MTRFR: variants seen among roughly 807,000 people sequenced by gnomAD.
The protein encoded by MTRFR is mitochondrial translation release factor in rescue.
A neutral mutation model predicts 11.9 loss-of-function variants in MTRFR; 10 were observed. The observed-to-expected ratio is 0.84, with a 90% CI of 0.52 to 1.42. The LOEUF is 1.42. MTRFR is among the 40% of genes most tolerant of loss of function. The pLI, the probability that MTRFR is intolerant of heterozygous loss-of-function variation, is 0.00. For synonymous variants in MTRFR, 77 were observed against 79.1 expected (o/e 0.97, Z 0.14); for missense variants, 196 against 197.9 (o/e 0.99, Z 0.06).
rs756965312 is a variant in MTRFR, at chr12:123,257,015, G to A, written c.485G>A (p.Ser162Asn). 1 of 1,612,276 alleles carries A rather than the reference G, an allele frequency of 6.2e-7. No individual in the cohort carries two copies. Among genetic ancestry groups the A allele is most frequent in the South Asian group, 1.1e-5 (1 of 90,744 alleles). Reference protein sequence around the residue: ...KKLLKELWESSKKVH With the variant: ...KKLLKELWESNKKVH ...CTACTTAAAGAACTGTGGGAGTCAA[G>A]TAAAAAGGTCCACTGAGAAAAGAAT... Residue 162 changes from serine to asparagine, a missense_variant, in exon 3 of 3, where the codon AGT (serine) becomes AAT (asparagine). By Grantham distance (46) the Ser-to-Asn change is conservative (BLOSUM62 1). Transcript: ENST00000253233.
chr12:123,247,223 T>G (rs1379715887), intron 1 of MTRFR, among the ~76,000 whole-genome samples: 1 of 152,224 alleles, frequency 6.6e-6, no homozygotes, highest in African/African-American at 2.4e-5. Context: ...TTCGTTTTGA[T>G]GACCTGTCTA....
chr12:123,251,349 G>A (rs2048109304), intron 1 of MTRFR: 1 of 152,252 alleles, frequency 6.6e-6, no homozygotes, highest in Admixed American at 6.5e-5. Context: ...CCAAGTTCTG[G>A]CCAGGAGGCT....
chr12:123,244,558 T>A (rs1258075092), intron 1 of MTRFR, among the ~76,000 whole-genome samples: 3 of 152,214 alleles, frequency 2.0e-5, no homozygotes, highest in African/African-American at 7.2e-5. Flanking sequence ...TCCTCCTGGG[T>A]GACAGAGATT....
At chr12:123,251,618 G>A (rs1328592782) in intron 1 of MTRFR, 1 of 152,728 alleles carries the variant, frequency 6.5e-6, no homozygotes, top group Non-Finnish European at 1.5e-5. Context: ...CTCCAGTGGG[G>A]GGGTGTGTGT....
chr12:123,233,261 G>A (rs1036618912), upstream of MTRFR: 5 of 152,348 alleles, frequency 3.3e-5, no homozygotes, highest in Non-Finnish European at 7.3e-5. Context: ...ACCAAAGAGA[G>A]ACATCCAACC....
chr12:123,241,676 C>T (rs2031660246), intron 1 of MTRFR, among the ~76,000 whole-genome samples: 1 of 152,162 alleles, frequency 6.6e-6, no homozygotes, highest in Non-Finnish European at 1.5e-5. Context: ...CCCTATGTTG[C>T]ACAGGCTGGA....
In MTRFR at chr12:123,253,931, A is replaced by G; in HGVS notation, c.257A>G (p.His86Arg). ...ACCAGCAACTGCGTGGTGCTGAAGC[A>G]CATCCCCTCAGGCATCGTTGTAAAG... is the stretch of plus-strand genomic sequence containing the variant. ...NKTSNCVVLK[H>R]IPSGIVVKCH... The change falls in exon 2 of 3, where the codon CAC (histidine) becomes CGC (arginine). Residue 86 changes from histidine (H) to arginine (R), a missense_variant. Coordinates refer to ENST00000253233, the MANE Select transcript of MTRFR (RefSeq NM_152269.5). 6.2e-7 allele frequency: 1 copy of G among 1,614,218 alleles called. No individual in the cohort carries two copies. The highest frequency in any genetic ancestry group is 8.5e-7 in the Non-Finnish European group (1 of 1,180,050).
At position 123,253,107 on chromosome 12, in the gene MTRFR, T is replaced by TTTTTTTTTTTTTG. The variant is rs766114484; in HGVS notation, c.-28-540_-28-539insTTTTTTTTTTTTG. On this transcript the variant is annotated intron_variant, in intron 1 of 2. Transcript: ENST00000253233. ...TTTTTTTTTTTTTTTTTTTTTTTTT[T>TTTTTTTTTTTTTG]GAGACACTGTCTCGCTCTGTTGTCC... Among the ~76,000 whole-genome samples the TTTTTTTTTTTTTG allele has an allele frequency of 4.6e-3, 293 of 63,354 alleles. 106 individuals carry two copies. The highest frequency in any genetic ancestry group is 8.4e-3 in the Non-Finnish European group (248 of 29,408). 41.6% of individuals were successfully genotyped at this position (63,354 alleles called of 152,430 possible). A position where few individuals can be genotyped will look rare whatever the true frequency, so the allele number is the denominator to read the frequency against.
At chr12:123,242,782 G>A (rs906892172) in intron 1 of MTRFR, among the ~76,000 whole-genome samples, 2 of 152,176 alleles carry the variant, frequency 1.3e-5, no homozygotes, top group African/African-American at 4.8e-5. Flanking sequence ...CCTTTGTCTG[G>A]GAGTCTCGCC....
At chr12:123,252,290 TGTG>T (rs2048122749) in intron 1 of MTRFR, 1 of 151,942 alleles carries the variant, frequency 6.6e-6, no homozygotes, top group Admixed American at 6.6e-5. Context: ...ATTACTCAGA[TGTG>T]GTGGTGTCTG....
At chr12:123,242,843 G>A (rs755703855) in intron 1 of MTRFR, among the ~76,000 whole-genome samples, 5 of 152,196 alleles carry the variant, frequency 3.3e-5, no homozygotes, top group African/African-American at 1.2e-4. Flanking sequence ...TTGTGCCAGC[G>A]CTGTCCTGCC....
At chr12:123,245,287 T>C (rs2048022855) in intron 1 of MTRFR, among the ~76,000 whole-genome samples, 1 of 151,978 alleles carries the variant, frequency 6.6e-6, no homozygotes. Flanking sequence ...ACTATGGCCT[T>C]ATAGTATAGT....
At chr12:123,242,639 G>A (rs536878493) in intron 1 of MTRFR, among the ~76,000 whole-genome samples, 18 of 152,262 alleles carry the variant, frequency 1.2e-4, no homozygotes, top group African/African-American at 2.9e-4. Flanking sequence ...ACTGAACACC[G>A]GAGACCTTCT....
intron 1 of MTRFR, among the ~76,000 whole-genome samples, chr12:123,239,956 T>G (rs1015208724): frequency 6.6e-6 from 1 of 152,078 alleles, no homozygotes; most frequent in Non-Finnish European, 1.5e-5. Flanking sequence ...CATCAAGCAA[T>G]GAACAGTCCT....
rs2047866933 is a variant in MTRFR, at chr12:123,237,314, C to T, written c.-29+3783C>T. Reference sequence around the variant, plus strand: ...GCATGATGGCAGGTGCCTGTAGTCCCAGATACTCAGGAGGCTGAGACAGGA... The same window carrying T: ...GCATGATGGCAGGTGCCTGTAGTCCTAGATACTCAGGAGGCTGAGACAGGA... On this transcript the variant is annotated intron_variant, in intron 1 of 2. Coordinates refer to ENST00000253233, the MANE Select transcript of MTRFR (RefSeq NM_152269.5). Among the ~76,000 whole-genome samples the T allele has an allele frequency of 2.0e-5, 3 of 152,104 alleles. No homozygotes were observed. In the South Asian group the frequency reaches 6.2e-4, roughly 32 times the overall value.
chr12:123,250,672 ACTGGAGGTTATCTGCAGAGTC>A (rs1419467879), intron 1 of MTRFR: 1 of 152,140 alleles, frequency 6.6e-6, no homozygotes, highest in African/African-American at 2.4e-5. Flanking sequence ...CCAGGCTGGT[ACTGGAGGTTATCTGCAGAGTC>A]CTGTGATGTG....
At chr12:123,233,605 G>C (rs561527918) in intron 1 of MTRFR, 74 bp downstream of exon 1, 3 of 152,372 alleles carry the variant, frequency 2.0e-5, no homozygotes, top group Admixed American at 6.5e-5. Context: ...AGAGGACTGC[G>C]AGCCGGGACG....
In MTRFR at chr12:123,257,258, T is replaced by C; in HGVS notation, c.*227T>C. The C allele has an allele frequency of 2.0e-6, 1 of 496,344 alleles. No homozygotes were observed. Among genetic ancestry groups the C allele is most frequent in the Admixed American group, 3.5e-5 (1 of 28,238 alleles). 30.7% of individuals were successfully genotyped at this position (496,344 alleles called of 1,614,324 possible). ...CACGGTGGACGGTGCCTCACATCTG[T>C]AATCCCAGCACTTTGGGAGGCCGAG... On this transcript the variant is annotated 3_prime_UTR_variant, in exon 3 of 3. Transcript: ENST00000253233.
Position 123,257,166 on chromosome 12 carries a change from A to T in MTRFR, c.*135A>T. On this transcript the variant is annotated 3_prime_UTR_variant, in exon 3 of 3. Coordinates refer to ENST00000253233, the MANE Select transcript of MTRFR (RefSeq NM_152269.5). ...GATGAACTTAAAAGACAACAAATTT[A>T]TTTAAATGGTGCACTAAACTGTAGT... The T allele has an allele frequency of 2.6e-6, 2 of 765,896 alleles. No homozygotes were observed. The highest frequency in any genetic ancestry group is 4.5e-6 in the Non-Finnish European group (2 of 445,850). The allele number at this position is 765,896 out of a possible 1,614,324, so 47.4% of individuals were successfully genotyped here. A position where few individuals can be genotyped will look rare whatever the true frequency, so the allele number is the denominator to read the frequency against.
Sources: gnomAD v4.1 joint callset for allele counts (sites outside exome capture counted in the v4.1 genomes callset) on GRCh38, gnomAD v4.1.1 for gene constraint, MANE v1.5 for transcripts, NCBI Gene and HGNC (gene_info 2026-07-23, HGNC 2026-07-21) for gene names.